Variants in HDLBP observed in about 807,000 individuals in gnomAD.
The protein encoded by HDLBP is high density lipoprotein binding protein.
In HDLBP, 30 loss-of-function variants were observed where a neutral mutation model predicts 137.3. The ratio of observed to expected loss-of-function variants is 0.22; its 90% confidence interval spans 0.16 to 0.30. The LOEUF (loss-of-function observed/expected upper bound fraction) is 0.30, where lower values mean the gene tolerates loss of function less well. Ranked by LOEUF, HDLBP falls within the 10% of genes least tolerant of loss-of-function variation. HDLBP has a pLI of 1.00. For missense variants in HDLBP, 1,119 were observed against 1,667.3 expected (o/e 0.67, Z 5.73); for synonymous variants, 606 against 596.0 (o/e 1.02, Z -0.24).
At chr2:241,251,783 T>C (rs886647932) in intron 11 of HDLBP, among the ~76,000 whole-genome samples, 1 of 152,156 alleles carries the variant, frequency 6.6e-6, no homozygotes, top group Admixed American at 6.5e-5. Context: ...GACACCAGCC[T>C]AGACAACATG....
chr2:241,264,339 G>T, intron 4 of HDLBP, 109 bp downstream of exon 4: 2 of 739,716 alleles, frequency 2.7e-6, no homozygotes, highest in Non-Finnish European at 4.2e-6. Context: ...TCCAGCCTGG[G>T]CGACAGAGCG....
At chr2:241,280,231 T>G (rs1384101749) in intron 1 of HDLBP, 5 of 537,886 alleles carry the variant, frequency 9.3e-6, no homozygotes, top group Non-Finnish European at 1.2e-5. Flanking sequence ...TATTACATTT[T>G]TATTAGCACA....
At position 241,311,618 on chromosome 2, in the gene HDLBP, T is replaced by G. The variant is rs2075760423; in HGVS notation, c.-103+3952A>C. Among the ~76,000 whole-genome samples the G allele has an allele frequency of 2.6e-5, 4 of 152,344 alleles. No individual in the cohort carries two copies. The South Asian group carries it at 8.3e-4, about 32-fold the overall frequency. On this transcript the variant is annotated intron_variant, in intron 1 of 27. Transcript: ENST00000310931. ...CAATTTCTTGAAAGATTTAGATAAT[T>G]GCTTCAGAATTTGGGGTTGAATTGT...
At chr2:241,308,542 T>C (rs2075655715) in intron 1 of HDLBP, among the ~76,000 whole-genome samples, 1 of 152,178 alleles carries the variant, frequency 6.6e-6, no homozygotes, top group South Asian at 2.1e-4. Flanking sequence ...AACATTAACC[T>C]ACTCTGCTTT....
chr2:241,256,816 G>T lies in HDLBP; in HGVS notation c.451-10C>A. The T allele has an allele frequency of 6.2e-7, 1 of 1,607,920 alleles. No homozygotes were observed. The highest frequency in any genetic ancestry group is 8.5e-7 in the Non-Finnish European group (1 of 1,174,564). Reference sequence around the variant, plus strand: ...CAACAGTTGCTGAGGCCTATAGCAAGAAGAGAATAAAAGAAAACAAGAATA... The same window carrying T: ...CAACAGTTGCTGAGGCCTATAGCAATAAGAGAATAAAAGAAAACAAGAATA... On this transcript the variant is annotated splice_polypyrimidine_tract_variant and intron_variant, in intron 5 of 27. Coordinates refer to ENST00000310931, the MANE Select transcript of HDLBP (RefSeq NM_005336.6).
At chr2:241,242,975 G>A (rs1559492730) in intron 16 of HDLBP, among the ~76,000 whole-genome samples, 1 of 152,146 alleles carries the variant, frequency 6.6e-6, no homozygotes, top group Non-Finnish European at 1.5e-5. Context: ...TGGGAGCGTG[G>A]TAATTTCAGA....
At chr2:241,236,793 C>T (rs1291852127) in intron 20 of HDLBP, 24 bp from the exon 21 acceptor site, 2 of 1,610,510 alleles carry the variant, frequency 1.2e-6, no homozygotes, top group Non-Finnish European at 8.5e-7. Context: ...GGAAAAGGGA[C>T]AGCTGACAGC....
At chr2:241,252,883 A>T (rs1458121251) in intron 11 of HDLBP, 74 bp downstream of exon 11, 1 of 979,888 alleles carries the variant, frequency 1.0e-6, no homozygotes, top group Non-Finnish European at 1.6e-6. Context: ...CGGACGTCAC[A>T]GTTCTCACAG....
At chr2:241,253,826 G>T (rs574947822) in intron 9 of HDLBP, among the ~76,000 whole-genome samples, 1 of 152,328 alleles carries the variant, frequency 6.6e-6, no homozygotes, top group Non-Finnish European at 1.5e-5. Context: ...CTCTTGAGTT[G>T]CATAAAGAAT....
intron 1 of HDLBP, among the ~76,000 whole-genome samples, chr2:241,310,861 T>C (rs1246137763): frequency 6.6e-6 from 1 of 152,180 alleles, no homozygotes; most frequent in Non-Finnish European, 1.5e-5. Context: ...AAGCCTTCAC[T>C]CCCAGCACTT....
chr2:241,232,355 A>G (rs1180257952), intron 24 of HDLBP, among the ~76,000 whole-genome samples: 1 of 151,198 alleles, frequency 6.6e-6, no homozygotes, highest in Non-Finnish European at 1.5e-5. Context: ...AGCTCACTGC[A>G]GCCTCCGCCT....
At chr2:241,271,855 A>C (rs2074065534) in intron 1 of HDLBP, 2 of 152,256 alleles carry the variant, frequency 1.3e-5, no homozygotes, top group South Asian at 2.1e-4. Context: ...ACAAGATCGA[A>C]ATCTAGGAGA....
intron 12 of HDLBP, among the ~76,000 whole-genome samples, chr2:241,248,626 T>G (rs2071869375): frequency 6.6e-6 from 1 of 152,170 alleles, no homozygotes; most frequent in Non-Finnish European, 1.5e-5. Flanking sequence ...GTAGGACCCT[T>G]CAACCAAAAG....
intron 1 of HDLBP, chr2:241,279,982 T>C: frequency 2.0e-6 from 2 of 985,174 alleles, no homozygotes; most frequent in Non-Finnish European, 2.4e-6. Flanking sequence ...GCTGAAGGGG[T>C]TAGGAGGAGC....
intron 1 of HDLBP, among the ~76,000 whole-genome samples, chr2:241,290,916 A>T (rs2074994310): frequency 6.6e-6 from 1 of 152,244 alleles, no homozygotes; most frequent in Non-Finnish European, 1.5e-5. Context: ...GTAAGAATAT[A>T]TTGTATGAAA....
At chr2:241,229,791 C>CCCCCCCCCCGGG in intron 27 of HDLBP, 42 bp downstream of exon 27, 1 of 1,553,454 alleles carries the variant, frequency 6.4e-7, no homozygotes, top group Non-Finnish European at 8.7e-7. Flanking sequence ...CCTGCCCGCC[C>CCCCCCCCCCGGG]ACCCTCCCTG....
At position 241,238,937 on chromosome 2, in the gene HDLBP, C is replaced by T. The variant is rs1219128483; in HGVS notation, c.2611-150G>A. On this transcript the variant is annotated intron_variant, in intron 19 of 27. Transcript: ENST00000310931. The surrounding 1 kb of genome is among the most constrained non-coding windows in gnomAD (Gnocchi z 4.9). ...CTTCTCCCGAGTCCAGGGCTCCAGG[C>T]GCAGGGAGGAGGGAGGTAGCAGGAC... The T allele has an allele frequency of 1.8e-5, 11 of 595,204 alleles. No individual in the cohort carries two copies. Among genetic ancestry groups the T allele is most frequent in the East Asian group, 8.8e-5 (3 of 34,168 alleles). The allele number at this position is 595,204 out of a possible 1,614,324, so 36.9% of individuals were successfully genotyped here.
intron 1 of HDLBP, among the ~76,000 whole-genome samples, chr2:241,296,751 T>C (rs929622592): frequency 3.3e-5 from 5 of 152,188 alleles, no homozygotes; most frequent in Admixed American, 1.3e-4. Context: ...TACTCAACCA[T>C]TGAGGAAGTA....
At chr2:241,235,659 C>T (rs1244926819) in intron 21 of HDLBP, 65 bp from the exon 22 acceptor site, 1 of 1,127,468 alleles carries the variant, frequency 8.9e-7, no homozygotes, top group East Asian at 2.4e-5. Flanking sequence ...GTAAGCTCAG[C>T]AATGGGGCTC....
Sources: gnomAD v4.1 joint callset for allele counts (sites outside exome capture counted in the v4.1 genomes callset) on GRCh38, gnomAD v4.1.1 for gene constraint, Gnocchi (gnomAD v3.1) non-coding constraint, MANE v1.5 for transcripts, NCBI Gene and HGNC (gene_info 2026-07-23, HGNC 2026-07-21) for gene names.